Variants in UTP20 observed in about 807,000 individuals in gnomAD.
UTP20 encodes small subunit processome component 20 homolog.
In UTP20, 164 loss-of-function variants were observed where a neutral mutation model predicts 329.5. The observed-to-expected ratio is 0.50, with a 90% CI of 0.44 to 0.57. The LOEUF (loss-of-function observed/expected upper bound fraction) is 0.57. Among genes scored for constraint, UTP20 ranks in the 20% least tolerant of loss-of-function variants. The pLI is 0.00. For synonymous variants in UTP20, 1,151 were observed against 1,159.3 expected (o/e 0.99, Z 0.14); for missense variants, 3,055 against 3,284.2 (o/e 0.93, Z 1.71).
intron 2 of UTP20, 94 bp downstream of exon 2, chr12:101,281,290 T>G (rs1468352089): frequency 2.4e-5 from 27 of 1,108,316 alleles, no homozygotes; most frequent in Non-Finnish European, 3.3e-5. Flanking sequence ...GGTATTCCTT[T>G]TTGGACATGA....
chr12:101,303,384 G>A (rs865784892), intron 15 of UTP20, among the ~76,000 whole-genome samples: 1 of 152,210 alleles, frequency 6.6e-6, no homozygotes, highest in African/African-American at 2.4e-5. Flanking sequence ...GAGATAGGGA[G>A]AGTCCAGAGG....
chr12:101,347,203 A>T (rs1050364951), intron 38 of UTP20, among the ~76,000 whole-genome samples: 1 of 152,192 alleles, frequency 6.6e-6, no homozygotes, highest in African/African-American at 2.4e-5. Context: ...CACATAGTAA[A>T]GACTAGATAA....
chr12:101,315,826 G>C (rs930648629), intron 21 of UTP20, among the ~76,000 whole-genome samples: 3 of 152,090 alleles, frequency 2.0e-5, no homozygotes, highest in African/African-American at 7.2e-5. Context: ...AATTTTCCAA[G>C]TTTTTCCCTA....
chr12:101,356,742 C>T (rs749132049), intron 42 of UTP20, 49 bp downstream of exon 42: 8 of 1,571,070 alleles, frequency 5.1e-6, no homozygotes, highest in Non-Finnish European at 6.0e-6. Context: ...AAAATTGGTT[C>T]TTTTCTTCCT....
Position 101,386,053 on chromosome 12 carries a change from T to G in UTP20, c.8288T>G (p.Phe2763Cys). The part of the protein sequence containing the change: ...KSEAKKRKIE[F>C]LRPGYKAKRQ... ...GAAGCAAAGAAGAGAAAGATAGAGT[T>G]CCTGCGTCCAGGATATAAGGCCAAG... The change falls in exon 62 of 62, where the codon TTC becomes TGC. Residue 2763 changes from phenylalanine to cysteine, a missense_variant. This residue lies in a region of UTP20 where 337 missense variants were observed against 345.5 expected (regional missense o/e 0.98). Transcript: ENST00000261637. 6.2e-7 allele frequency: 1 copy of G among 1,608,930 alleles called. No individual in the cohort carries two copies. Among genetic ancestry groups the G allele is most frequent in the Non-Finnish European group, 8.5e-7 (1 of 1,179,152 alleles).
At chr12:101,293,586 G>A (rs1872243624) in intron 11 of UTP20, among the ~76,000 whole-genome samples, 2 of 152,158 alleles carry the variant, frequency 1.3e-5, no homozygotes, top group Non-Finnish European at 2.9e-5. Context: ...AACTGAGTGA[G>A]GGAGAAAATG....
At position 101,365,631 on chromosome 12, in the gene UTP20, T is replaced by C; in HGVS notation, c.6125+6T>C. On this transcript the variant is annotated splice_donor_region_variant and intron_variant, in intron 46 of 61. Transcript: ENST00000261637. ...CTGTTAACAGAGAAAGAAAAGTAAG[T>C]TGGAAAAAAAACAAACTGTCATTTA... 1 of 1,551,770 alleles carries C rather than the reference T, an allele frequency of 6.4e-7. No homozygotes were observed. Among genetic ancestry groups the C allele is most frequent in the Non-Finnish European group, 8.7e-7 (1 of 1,154,632 alleles).
At chr12:101,338,324 A>G in intron 30 of UTP20, 47 bp downstream of exon 30, 1 of 1,586,878 alleles carries the variant, frequency 6.3e-7, no homozygotes, top group South Asian at 1.1e-5. Flanking sequence ...CTGCTGTAGC[A>G]ATTGTTTCCT....
At chr12:101,300,710 T>A (rs956682852) in intron 14 of UTP20, among the ~76,000 whole-genome samples, 2 of 152,220 alleles carry the variant, frequency 1.3e-5, no homozygotes, top group Non-Finnish European at 2.9e-5. Flanking sequence ...CAAAATTTTT[T>A]AAAAATCACG....
intron 51 of UTP20, among the ~76,000 whole-genome samples, chr12:101,371,938 A>G (rs1870308760): frequency 6.6e-6 from 1 of 152,130 alleles, no homozygotes; most frequent in Non-Finnish European, 1.5e-5. Context: ...TTATGAACAC[A>G]TACTGTGCCC....
intron 32 of UTP20, among the ~76,000 whole-genome samples, chr12:101,341,531 A>G (rs1013685063): frequency 8.5e-5 from 13 of 152,246 alleles, no homozygotes; most frequent in African/African-American, 3.1e-4. Context: ...GGCCCTCTGT[A>G]TTCACATTTC....
chr12:101,375,903 C>G, intron 56 of UTP20, 147 bp downstream of exon 56: 1 of 550,866 alleles, frequency 1.8e-6, no homozygotes, highest in East Asian at 3.2e-5. Flanking sequence ...AAGGTTCTAT[C>G]AGATTGAACA....
intron 8 of UTP20, chr12:101,291,300 A>C: frequency 6.1e-6 from 1 of 164,186 alleles, no homozygotes; most frequent in Non-Finnish European, 1.3e-5. Flanking sequence ...CACACCTGTA[A>C]TCCCAGCACT....
chr12:101,310,374 G>A (rs544688071), intron 19 of UTP20, among the ~76,000 whole-genome samples: 14 of 151,824 alleles, frequency 9.2e-5, no homozygotes, highest in Admixed American at 4.6e-4. Flanking sequence ...TCGGGAGTTC[G>A]AGACCAGCCT....
rs1869266163 is a variant in UTP20 at position 101,344,876 on chromosome 12, TA to T, written c.4605+129del. 4.5e-5 allele frequency: 29 copies of T among 651,000 alleles called. No individual in the cohort carries two copies. In the South Asian group the frequency reaches 6.9e-4, roughly 16 times the overall value. 40.3% of individuals were successfully genotyped at this position (651,000 alleles called of 1,614,324 possible). On this transcript the variant is annotated intron_variant, in intron 36 of 61. Transcript: ENST00000261637. ...CATTTAATGAGAATACTTGGTTGAG[TA>T]AATAGTCACCAGACTTTTAATGGGA...
rs1207776221 is a variant in UTP20, at chr12:101,386,018, AAAT to A, written c.8256_8258del (p.Asn2752del). The A allele has an allele frequency of 1.2e-6, 2 of 1,609,304 alleles. No homozygotes were observed. Among genetic ancestry groups the A allele is most frequent in the Non-Finnish European group, 1.7e-6 (2 of 1,178,972 alleles). On this transcript the variant is annotated inframe_deletion, in exon 62 of 62. Transcript: ENST00000261637. The stretch of plus-strand genomic sequence containing the variant: ...CCAAGAAAAAAATGAAGAAACACAA[AAAT>A]AAAAGTGAAGCAAAGAAGAGAAAGA...
At chr12:101,366,156 C>T (rs757812722) in intron 46 of UTP20, among the ~76,000 whole-genome samples, 11 of 151,976 alleles carry the variant, frequency 7.2e-5, no homozygotes, top group Non-Finnish European at 1.2e-4. Flanking sequence ...CACTTGAACC[C>T]GGGAGGCGGA....
chr12:101,288,922 A>G (rs779397186), intron 5 of UTP20, 38 bp from the exon 6 acceptor site: 4 of 1,536,726 alleles, frequency 2.6e-6, no homozygotes, highest in Admixed American at 1.7e-5. Context: ...TTACAATTAT[A>G]TGATTAATGA....
intron 38 of UTP20, among the ~76,000 whole-genome samples, chr12:101,348,778 T>TGTTGCTC (rs1869418630): frequency 6.7e-6 from 1 of 148,710 alleles, no homozygotes; most frequent in Non-Finnish European, 1.5e-5. Context: ...GGGTCTCCTT[T>TGTTGCTC]GTTGCTCAGG....
Sources: allele counts gnomAD v4.1 joint callset (sites outside exome capture counted in the v4.1 genomes callset), GRCh38; gene constraint gnomAD v4.1.1; regional missense constraint gnomAD v4.1.1; transcripts MANE v1.5; gene names NCBI Gene and HGNC (gene_info 2026-07-23, HGNC 2026-07-21).